The following PCDHA7 variants were observed in gnomAD, a reference collection of about 807,000 sequenced individuals.
PCDHA7 encodes the protein protocadherin alpha-7.
A neutral mutation model predicts 57.2 loss-of-function variants in PCDHA7; 37 were observed. The ratio of observed to expected loss-of-function variants is 0.65; its 90% confidence interval spans 0.50 to 0.85. The LOEUF is 0.85. Among genes scored for constraint, PCDHA7 ranks in the 40% least tolerant of loss-of-function variants. The probability of loss-of-function intolerance (pLI) is 0.00; values close to 1 mark genes in which losing one functional copy is unlikely to be tolerated. For missense variants in PCDHA7, 1,188 were observed against 1,241.8 expected (o/e 0.96, Z 0.65); for synonymous variants, 553 against 558.8 (o/e 0.99, Z 0.15).
chr5:140,874,005 C>T (rs887497526), intron 1 of PCDHA7, among the ~76,000 whole-genome samples: 1 of 152,100 alleles, frequency 6.6e-6, no homozygotes, highest in South Asian at 2.1e-4. Context: ...GTACATTGAC[C>T]ACTTTTGAAA....
At position 140,884,506 on chromosome 5, in the gene PCDHA7, G is replaced by C. The variant is rs10076265; in HGVS notation, c.2355+47768G>C. 4,595 of 1,614,168 alleles carry C rather than the reference G, an allele frequency of 2.8e-3. 101 individuals are homozygous for C. In the African/African-American group the frequency reaches 0.053, roughly 19 times the overall value. On this transcript the variant is annotated intron_variant, in intron 1 of 3. Coordinates refer to ENST00000525929, the MANE Select transcript of PCDHA7 (RefSeq NM_018910.3). Reference sequence around the variant, plus strand: ...CTCTAGTGTGCTCCAGCGCGGCAGGGAGTTGGTCGTACTCGCAGCAGAGGC... The same window carrying C: ...CTCTAGTGTGCTCCAGCGCGGCAGGCAGTTGGTCGTACTCGCAGCAGAGGC...
intron 1 of PCDHA7, among the ~76,000 whole-genome samples, chr5:140,919,085 T>C (rs2078998041): frequency 1.3e-5 from 2 of 152,368 alleles, no homozygotes; most frequent in East Asian, 3.9e-4. Context: ...GACTATTGAA[T>C]TGTCTATTTC....
At chr5:140,853,308 C>T in intron 1 of PCDHA7, 1 of 983,184 alleles carries the variant, frequency 1.0e-6, no homozygotes, top group Non-Finnish European at 1.2e-6. Context: ...CTGTGAACAC[C>T]TTAGTAATAA....
intron 1 of PCDHA7, among the ~76,000 whole-genome samples, chr5:140,963,588 A>G (rs1554226668): frequency 6.6e-6 from 1 of 152,218 alleles, no homozygotes; most frequent in African/African-American, 2.4e-5. Flanking sequence ...AATGTAGGAT[A>G]TAGTTCTAGA....
chr5:140,847,382 C>T (rs2150399833), intron 1 of PCDHA7: 1 of 149,622 alleles, frequency 6.7e-6, no homozygotes, highest in South Asian at 2.1e-4. Context: ...GATAAATATG[C>T]AAAAACATTA....
chr5:141,009,833 G>A lies in PCDHA7; in HGVS notation c.2710G>A (p.Gly904Ser), dbSNP rs782642898. The A allele has an allele frequency of 8.7e-6, 14 of 1,613,366 alleles. No homozygotes were observed. The highest frequency in any genetic ancestry group is 2.7e-5 in the African/African-American group (2 of 74,746). ...TGACAAAAGTGACTTCATAACCTTC[G>A]GCAAAAAGGAGGAGACCAAGAAAAA... ...QIDKSDFITF[G>S]KKEETKKKKK... Residue 904 changes from glycine (G) to serine (S), a missense_variant, in exon 4 of 4, where the codon GGC (glycine) becomes AGC (serine). Physicochemically the swap from Gly to Ser is moderately conservative, Grantham distance 56 (BLOSUM62 0). Around this residue, in one of 3 missense-constraint regions of PCDHA7, gnomAD observed 892 missense variants for 788.5 expected, o/e 1.13. Coordinates refer to ENST00000525929, the MANE Select transcript of PCDHA7 (RefSeq NM_018910.3).
At chr5:140,859,289 A>G (rs2045796105) in intron 1 of PCDHA7, 1 of 129,084 alleles carries the variant, frequency 7.7e-6, no homozygotes, top group African/African-American at 2.7e-5. Context: ...GAGACTGAAA[A>G]TACTTTAGTA....
At chr5:140,878,562 T>C (rs2057643889) in intron 1 of PCDHA7, among the ~76,000 whole-genome samples, 1 of 152,210 alleles carries the variant, frequency 6.6e-6, no homozygotes, top group Non-Finnish European at 1.5e-5. Context: ...CCCAAACTTA[T>C]CATAGTATAC....
intron 1 of PCDHA7, chr5:140,858,026 G>A (rs2045118018): frequency 6.3e-7 from 1 of 1,597,020 alleles, no homozygotes; most frequent in Non-Finnish European, 8.6e-7. Context: ...GTCGCTGACG[G>A]CCACGGCCAC....
rs1459360410 is a variant in PCDHA7 at position 140,851,559 on chromosome 5, A to C, written c.2355+14821A>C. 4 of 909,446 alleles carry C rather than the reference A, an allele frequency of 4.4e-6. 1 individual carries two copies. In the East Asian group the frequency reaches 3.5e-4, roughly 79 times the overall value. The allele number at this position is 909,446 out of a possible 1,614,324, so 56.3% of individuals were successfully genotyped here. A position where few individuals can be genotyped will look rare whatever the true frequency, so the allele number is the denominator to read the frequency against. ...AGATAATTCAAGAAATGTTGACTGA[A>C]ATTTTGTCTACACTTAGAACATTTT... is the stretch of plus-strand genomic sequence containing the variant. On this transcript the variant is annotated intron_variant, in intron 1 of 3. Transcript: ENST00000525929.
chr5:140,884,811 T>C (rs782097563), intron 1 of PCDHA7: 155 of 1,119,034 alleles, frequency 1.4e-4, no homozygotes, highest in Non-Finnish European at 1.9e-4. Context: ...AACTCTGCTG[T>C]GGACATTATG....
intron 3 of PCDHA7, among the ~76,000 whole-genome samples, chr5:140,985,428 T>C (rs782337868): frequency 2.0e-5 from 3 of 152,192 alleles, no homozygotes; most frequent in Non-Finnish European, 4.4e-5. Context: ...GGAGGATTTA[T>C]TAGTTGCTGC....
At chr5:140,910,856 C>T (rs548609862) in intron 1 of PCDHA7, among the ~76,000 whole-genome samples, 15 of 152,300 alleles carry the variant, frequency 9.8e-5, no homozygotes, top group Non-Finnish European at 2.2e-4. Flanking sequence ...ATCTATGTTC[C>T]ATCCACCATT....
At chr5:140,872,418 A>G (rs2053650259) in intron 1 of PCDHA7, among the ~76,000 whole-genome samples, 2 of 152,014 alleles carry the variant, frequency 1.3e-5, no homozygotes, top group East Asian at 3.9e-4. Flanking sequence ...CTTGAGCCCA[A>G]GAGTTCGAGG....
chr5:140,842,707 G>A, intron 1 of PCDHA7: 1 of 1,595,290 alleles, frequency 6.3e-7, no homozygotes, highest in Non-Finnish European at 8.6e-7. Context: ...AGTACACGGT[G>A]TTCGTGAAGG....
At chr5:140,858,472 T>C in intron 1 of PCDHA7, 1 of 1,518,184 alleles carries the variant, frequency 6.6e-7, no homozygotes. Context: ...TTTTGTGCTT[T>C]ATGAATAATA....
At chr5:140,863,336 T>A (rs782350790) in intron 1 of PCDHA7, 1 of 1,385,482 alleles carries the variant, frequency 7.2e-7, no homozygotes, top group Admixed American at 1.8e-5. Flanking sequence ...GTGCTCACGT[T>A]GCTGCTGTAC....
intron 1 of PCDHA7, among the ~76,000 whole-genome samples, chr5:140,838,656 C>T (rs2150290974): frequency 1.1e-4 from 17 of 151,972 alleles, no homozygotes; most frequent in Admixed American, 2.0e-4. Context: ...TGATAGTTAA[C>T]GGGGCATGGT....
chr5:140,858,703 T>C lies in PCDHA7; in HGVS notation c.2355+21965T>C, dbSNP rs918251691. 1.1e-5 allele frequency: 6 copies of C among 560,482 alleles called. 2 individuals carry two copies. The highest frequency in any genetic ancestry group is 1.8e-5 in the Non-Finnish European group (6 of 325,182). 34.7% of individuals were successfully genotyped at this position (560,482 alleles called of 1,614,324 possible). ...ACACTAATATTTTCCAATACAAATATGTGATATAGGTTGCAGTTCTGACGA... is the reference window on the plus strand; with the variant it reads ...ACACTAATATTTTCCAATACAAATACGTGATATAGGTTGCAGTTCTGACGA... On this transcript the variant is annotated intron_variant, in intron 1 of 3. Coordinates refer to ENST00000525929, the MANE Select transcript of PCDHA7 (RefSeq NM_018910.3).
Sources: allele counts gnomAD v4.1 joint callset (sites outside exome capture counted in the v4.1 genomes callset), GRCh38; gene constraint gnomAD v4.1.1; regional missense constraint gnomAD v4.1.1; transcripts MANE v1.5; gene names NCBI Gene and HGNC (gene_info 2026-07-23, HGNC 2026-07-21).